The following STARD9 variants were observed in gnomAD, a reference collection of about 807,000 sequenced individuals.
STARD9 encodes the protein StAR related lipid transfer domain containing 9.
Under a neutral mutation model 399.8 loss-of-function variants are expected in STARD9, and 346 were observed. That is an observed-to-expected ratio of 0.87 (90% CI 0.79 to 0.95). The LOEUF is 0.95. Among genes scored for constraint, STARD9 ranks in the 40% least tolerant of loss-of-function variants. STARD9 has a pLI of 0.00. For missense variants in STARD9, 5,832 were observed against 5,667.5 expected (o/e 1.03, Z -0.93); for synonymous variants, 2,203 against 2,143.5 (o/e 1.03, Z -0.77).
At position 42,689,713 on chromosome 15, in the gene STARD9, C is replaced by T. The variant is rs539735346; in HGVS notation, c.8135C>T (p.Pro2712Leu). Residue 2712 changes from proline to leucine, a missense_variant, in exon 23 of 33, where the codon CCT (proline) becomes CTT (leucine). Physicochemically the swap from Pro to Leu is moderately conservative, Grantham distance 98 (BLOSUM62 -3). Coordinates refer to ENST00000290607, the MANE Select transcript of STARD9 (RefSeq NM_020759.3). The part of the protein sequence containing the change: ...IEKKKDATRT[P>L]SSADPLAPDS... ...AAAAAGAAAGATGCAACCAGAACAC[C>T]TTCCTCAGCTGATCCTTTGGCCCCA... is the stretch of plus-strand genomic sequence containing the variant. The T allele has an allele frequency of 4.9e-5, 75 of 1,537,848 alleles. 2 individuals carry two copies. The South Asian group carries it at 8.2e-4, about 17-fold the overall frequency.
Position 42,675,910 on chromosome 15 carries a change from G to C in STARD9, c.1809G>C (p.Trp603Cys), listed in dbSNP as rs577382669. ...CTGCTGGTCGTGGCTCGTTGGAGTG[G>C]CTGGATTTGGATGGAGATCTCGCTG... ...EAAAGRGSLEWLDLDGDLAAS... is the reference protein window; with the variant it reads ...EAAAGRGSLECLDLDGDLAAS... The change falls in exon 20 of 33, where the codon TGG becomes TGC. Residue 603 changes from tryptophan to cysteine, a missense_variant. Around this residue, in one of 2 missense-constraint regions of STARD9, gnomAD observed 5,828 missense variants for 5,651.1 expected, o/e 1.03. Coordinates refer to ENST00000290607, the MANE Select transcript of STARD9 (RefSeq NM_020759.3). 2 of 1,537,200 alleles carry C rather than the reference G, an allele frequency of 1.3e-6. No individual in the cohort carries two copies. Among genetic ancestry groups the C allele is most frequent in the African/African-American group, 2.7e-5 (2 of 73,156 alleles).
At chr15:42,695,494 A>G (rs568061118) in intron 25 of STARD9, among the ~76,000 whole-genome samples, 171 bp downstream of exon 25, 6 of 152,188 alleles carry the variant, frequency 3.9e-5, no homozygotes, top group African/African-American at 7.2e-5. Context: ...TCATCACACC[A>G]GCTCCTTTCC....
At position 42,687,891 on chromosome 15, in the gene STARD9, G is replaced by C. The variant is rs1420708810; in HGVS notation, c.6313G>C (p.Gly2105Arg). 1 of 1,537,210 alleles carries C rather than the reference G, an allele frequency of 6.5e-7. No individual in the cohort carries two copies. Among genetic ancestry groups the C allele is most frequent in the South Asian group, 1.2e-5 (1 of 84,060 alleles). ...CCATGCCTTTAGGCCAGACAGCTCT[G>C]GAAACCCTTTGCCCTCTAAGGATCA... ...TDHAFRPDSS[G>R]NPLPSKDQPS... The change falls in exon 23 of 33, where the codon GGA becomes CGA. Residue 2105 changes from glycine (G) to arginine (R), a missense_variant. Physicochemically the swap from Gly to Arg is moderately radical, Grantham distance 125. Around this residue, in one of 2 missense-constraint regions of STARD9, gnomAD observed 5,828 missense variants for 5,651.1 expected, o/e 1.03. Coordinates refer to ENST00000290607, the MANE Select transcript of STARD9 (RefSeq NM_020759.3).
intron 3 of STARD9, among the ~76,000 whole-genome samples, chr15:42,612,343 A>G (rs1408767209): frequency 6.6e-6 from 1 of 152,174 alleles, no homozygotes; most frequent in African/African-American, 2.4e-5. Context: ...CATGAGTCTT[A>G]GGCTCATGCT....
rs2060507169 is a variant in STARD9, at chr15:42,684,671, A to G, written c.3093A>G (p.Glu1031=). The part of the protein sequence containing the change: ...HGKAVKTFWT[E]YKPPSPSRAS... Reference sequence around the variant, plus strand: ...AGGCAGTCAAGACTTTTTGGACAGAATACAAACCACCTTCTCCAAGCAGGG... The same window carrying G: ...AGGCAGTCAAGACTTTTTGGACAGAGTACAAACCACCTTCTCCAAGCAGGG... Residue 1031 remains glutamate (E), a synonymous_variant, in exon 23 of 33, where the codon GAA becomes GAG. Transcript: ENST00000290607. 1.3e-6 allele frequency: 2 copies of G among 1,537,046 alleles called. No individual in the cohort carries two copies. The highest frequency in any genetic ancestry group is 1.7e-6 in the Non-Finnish European group (2 of 1,146,910).
intron 26 of STARD9, among the ~76,000 whole-genome samples, chr15:42,699,392 C>CTTTTCTTTTTTTTTTTTTTTTTTTTT (rs1359323091): frequency 2.6e-5 from 3 of 113,280 alleles, no homozygotes; most frequent in African/African-American, 1.2e-4. Flanking sequence ...TTTTTCTTTT[C>CTTTTCTTTTTTTTTTTTTTTTTTTTT]TTTTTTTTTT....
At chr15:42,614,617 A>G (rs1000399278) in intron 3 of STARD9, among the ~76,000 whole-genome samples, 1 of 152,162 alleles carries the variant, frequency 6.6e-6, no homozygotes, top group Admixed American at 6.5e-5. Flanking sequence ...ATGTATTAAA[A>G]TAAATATTTT....
chr15:42,707,219 A>G (rs553362501), intron 26 of STARD9, among the ~76,000 whole-genome samples: 3 of 152,332 alleles, frequency 2.0e-5, no homozygotes, highest in South Asian at 4.1e-4. Context: ...TTTTGGCAGG[A>G]CTTTGAGGAT....
intron 16 of STARD9, 53 bp from the exon 17 acceptor site, chr15:42,674,387 G>T (rs1215210160): frequency 5.0e-6 from 7 of 1,393,626 alleles, no homozygotes; most frequent in Non-Finnish European, 6.9e-6. Flanking sequence ...CTCCTGTAGG[G>T]CAAGGCTCTG....
intron 7 of STARD9, among the ~76,000 whole-genome samples, chr15:42,644,668 C>T (rs1191461466): frequency 6.6e-6 from 1 of 152,044 alleles, no homozygotes; most frequent in Non-Finnish European, 1.5e-5. Context: ...ATGGCTGTGG[C>T]AATTTCTTAA....
intron 15 of STARD9, 143 bp downstream of exon 15, chr15:42,665,991 G>A: frequency 1.4e-6 from 1 of 715,688 alleles, no homozygotes; most frequent in Non-Finnish European, 2.4e-6. Flanking sequence ...TTTAAGCCTT[G>A]ACCGGGGGAT....
Position 42,634,915 on chromosome 15 carries a change from C to G in STARD9, c.294C>G (p.Cys98Trp), listed in dbSNP as rs1422067809. The G allele has an allele frequency of 6.5e-7, 1 of 1,537,040 alleles. No individual in the cohort carries two copies. The highest frequency in any genetic ancestry group is 8.7e-7 in the Non-Finnish European group (1 of 1,146,760). Residue 98 changes from cysteine (C) to tryptophan (W), a missense_variant, in exon 4 of 33, where the codon TGC becomes TGG. By Grantham distance (215) the Cys-to-Trp change is radical. Around this residue, in one of 2 missense-constraint regions of STARD9, gnomAD observed 5,828 missense variants for 5,651.1 expected, o/e 1.03. Coordinates refer to ENST00000290607, the MANE Select transcript of STARD9 (RefSeq NM_020759.3). ...LSGVAKGYNI[C>W]LFAYGQTGSG... Reference sequence around the variant, plus strand: ...GAGTTGCCAAAGGCTATAACATATGCCTTTTTGCTTATGGACAGACAGGCT... The same window carrying G: ...GAGTTGCCAAAGGCTATAACATATGGCTTTTTGCTTATGGACAGACAGGCT...
intron 1 of STARD9, chr15:42,581,302 G>A: frequency 1.7e-6 from 2 of 1,195,102 alleles, no homozygotes; most frequent in Non-Finnish European, 2.5e-6. Flanking sequence ...GAAGAACTGC[G>A]AAGATCCAAC....
At chr15:42,578,093 G>C (rs936219191) in intron 1 of STARD9, among the ~76,000 whole-genome samples, 1 of 144,550 alleles carries the variant, frequency 6.9e-6, no homozygotes, top group Non-Finnish European at 1.5e-5. Flanking sequence ...AGTAGGACTA[G>C]AGTTGACGCT....
rs1010139602 is a variant in STARD9, at chr15:42,684,852, C to T, written c.3274C>T (p.His1092Tyr). ...CACAGATTTCAGCCCAGTAATGGAT[C>T]ATTCAAGAGAAAAAGACAATGATTT... ...PLTDFSPVMD[H>Y]SREKDNDLSD... The change falls in exon 23 of 33, where the codon CAT becomes TAT. Residue 1092 changes from histidine (H) to tyrosine (Y), a missense_variant. By Grantham distance (83) the His-to-Tyr change is moderately conservative. This residue lies in a region of STARD9 where 5,828 missense variants were observed against 5,651.1 expected (regional missense o/e 1.03). Coordinates refer to ENST00000290607, the MANE Select transcript of STARD9 (RefSeq NM_020759.3). 4.6e-6 allele frequency: 7 copies of T among 1,537,142 alleles called. No individual in the cohort carries two copies. Among genetic ancestry groups the T allele is most frequent in the Non-Finnish European group, 2.6e-6 (3 of 1,146,912 alleles).
chr15:42,676,435 T>A (rs73408701), intron 20 of STARD9, among the ~76,000 whole-genome samples: 6,848 of 152,236 alleles, frequency 0.045, 497 homozygotes, highest in African/African-American at 0.16. Flanking sequence ...TTAAAGATAG[T>A]GTGTGACTGA....
At position 42,692,165 on chromosome 15, in the gene STARD9, C is replaced by T. The variant is rs1220543395; in HGVS notation, c.10587C>T (p.Leu3529=). The change falls in exon 23 of 33, where the codon CTC becomes CTT. Residue 3529 remains leucine, a synonymous_variant. Coordinates refer to ENST00000290607, the MANE Select transcript of STARD9 (RefSeq NM_020759.3). ...EDQNSPFHSH[L]STYANICDLS... The stretch of plus-strand genomic sequence containing the variant: ...AGAACTCCCCTTTCCACTCCCACCT[C>T]AGCACTTACGCCAATATTTGTGATC... 3 of 1,537,176 alleles carry T rather than the reference C, an allele frequency of 2.0e-6. No individual in the cohort carries two copies. Among genetic ancestry groups the T allele is most frequent in the Admixed American group, 3.9e-5 (2 of 51,000 alleles).
At chr15:42,680,023 T>A (rs867509566) in intron 20 of STARD9, among the ~76,000 whole-genome samples, 3 of 152,164 alleles carry the variant, frequency 2.0e-5, no homozygotes, top group Non-Finnish European at 4.4e-5. Flanking sequence ...GAAGGCTAGA[T>A]AAAGCAGGCT....
At chr15:42,598,000 A>ATGTGTG (rs572054615) in intron 3 of STARD9, among the ~76,000 whole-genome samples, 4,390 of 115,070 alleles carry the variant, frequency 0.038, 137 homozygotes, top group African/African-American at 0.078. Flanking sequence ...GTATATATAT[A>ATGTGTG]TGTGTGTGTG....
Sources: allele counts gnomAD v4.1 joint callset (sites outside exome capture counted in the v4.1 genomes callset), GRCh38; gene constraint gnomAD v4.1.1; regional missense constraint gnomAD v4.1.1; transcripts MANE v1.5; gene names NCBI Gene and HGNC (gene_info 2026-07-23, HGNC 2026-07-21).